Variants in GRB2 observed in about 807,000 individuals in gnomAD.
GRB2 encodes the protein growth factor receptor bound protein 2.
Under a neutral mutation model 27.4 loss-of-function variants are expected in GRB2, and 2 were observed. The ratio of observed to expected loss-of-function variants is 0.07; its 90% CI spans 0.03 to 0.23. GRB2 has a LOEUF of 0.23. Ranked by LOEUF, GRB2 falls within the 10% of genes least tolerant of loss-of-function variation. The probability of loss-of-function intolerance (pLI) is 1.00; values close to 1 mark genes in which losing one functional copy is unlikely to be tolerated. For missense variants in GRB2, 102 were observed against 282.4 expected, an observed-to-expected ratio of 0.36 and a Z score of 4.58; for synonymous variants, 94 against 99.6, an observed-to-expected ratio of 0.94 and a Z score of 0.33.
chr17:75,337,434 A>T (rs2078584910), intron 2 of GRB2, among the ~76,000 whole-genome samples: 1 of 152,018 alleles, frequency 6.6e-6, no homozygotes, highest in Non-Finnish European at 1.5e-5. Flanking sequence ...AACACAAATG[A>T]ATGTTGAAGA....
At chr17:75,354,646 GC>G (rs1366785296) in intron 2 of GRB2, among the ~76,000 whole-genome samples, 2 of 152,168 alleles carry the variant, frequency 1.3e-5, no homozygotes, top group East Asian at 3.8e-4. Context: ...GTCCCTGGTA[GC>G]AAAAAGGTTG....
intron 2 of GRB2, among the ~76,000 whole-genome samples, chr17:75,386,095 A>C (rs891842194): frequency 3.3e-5 from 5 of 151,726 alleles, no homozygotes; most frequent in Non-Finnish European, 5.9e-5. Context: ...TCTTTAAAAA[A>C]CTTGTTTATG....
At chr17:75,352,059 A>G (rs2078695937) in intron 2 of GRB2, among the ~76,000 whole-genome samples, 1 of 152,224 alleles carries the variant, frequency 6.6e-6, no homozygotes, top group Non-Finnish European at 1.5e-5. Flanking sequence ...AAATATAACT[A>G]TTGTTAACAG....
At chr17:75,331,072 A>G (rs2078538130) in intron 3 of GRB2, among the ~76,000 whole-genome samples, 1 of 152,212 alleles carries the variant, frequency 6.6e-6, no homozygotes, top group South Asian at 2.1e-4. Context: ...AAGGCCTGGT[A>G]CTGACCCTGA....
At chr17:75,346,203 T>C (rs549237856) in intron 2 of GRB2, among the ~76,000 whole-genome samples, 2 of 144,242 alleles carry the variant, frequency 1.4e-5, no homozygotes, top group Non-Finnish European at 3.0e-5. Context: ...TTAGAAAAAC[T>C]GCTATATTGG....
chr17:75,390,949 C>T (rs2078994443), intron 2 of GRB2, among the ~76,000 whole-genome samples: 1 of 152,190 alleles, frequency 6.6e-6, no homozygotes, highest in Non-Finnish European at 1.5e-5. Flanking sequence ...CATGTTTTGG[C>T]TTACAACTAA....
intron 4 of GRB2, among the ~76,000 whole-genome samples, chr17:75,322,199 C>T (rs1471456579): frequency 6.6e-6 from 1 of 152,066 alleles, no homozygotes; most frequent in African/African-American, 2.4e-5. Context: ...ATGGAGAAAT[C>T]CCATCTCTAC....
At chr17:75,351,942 TA>T (rs1401508978) in intron 2 of GRB2, among the ~76,000 whole-genome samples, 17 of 152,226 alleles carry the variant, frequency 1.1e-4, no homozygotes, top group African/African-American at 3.4e-4. Flanking sequence ...AGAGTGACAT[TA>T]GGGGGCTTAC....
chr17:75,351,619 C>A (rs536395101), intron 2 of GRB2, among the ~76,000 whole-genome samples: 13 of 152,074 alleles, frequency 8.5e-5, no homozygotes, highest in African/African-American at 2.9e-4. Flanking sequence ...TGCCACTGCA[C>A]CCCAATCTGG....
chr17:75,339,623 CTTT>C (rs71159491), intron 2 of GRB2, among the ~76,000 whole-genome samples: 25 of 129,990 alleles, frequency 1.9e-4, no homozygotes, highest in Non-Finnish European at 2.0e-4. Context: ...TTCTTTCTTT[CTTT>C]TTTTTTTTTT....
chr17:75,401,584 T>C (rs1197276251), intron 1 of GRB2, among the ~76,000 whole-genome samples: 3 of 152,234 alleles, frequency 2.0e-5, no homozygotes, highest in Non-Finnish European at 2.9e-5. Flanking sequence ...GTTACTTTTG[T>C]AGTTACAACA....
chr17:75,353,614 G>T (rs1383681385), intron 2 of GRB2, among the ~76,000 whole-genome samples: 1 of 151,680 alleles, frequency 6.6e-6, no homozygotes, highest in Non-Finnish European at 1.5e-5. Context: ...ACAAAAATTC[G>T]CCAGGTGTGG....
chr17:75,378,383 A>AAAAC (rs10669345), intron 2 of GRB2, among the ~76,000 whole-genome samples: 32,372 of 151,482 alleles, frequency 0.21, 4,951 homozygotes, highest in African/African-American at 0.44. Context: ...ACTGTCTCAA[A>AAAAC]AAACAAACAA....
chr17:75,374,330 G>A (rs1285618053), intron 2 of GRB2, among the ~76,000 whole-genome samples: 3 of 150,724 alleles, frequency 2.0e-5, no homozygotes, highest in Non-Finnish European at 4.4e-5. Flanking sequence ...CTGGAACCCG[G>A]GAGGCGGAGG....
At chr17:75,366,573 C>T (rs1000432569) in intron 2 of GRB2, among the ~76,000 whole-genome samples, 2 of 149,980 alleles carry the variant, frequency 1.3e-5, no homozygotes, top group African/African-American at 2.4e-5. Context: ...CTGAGGCGGG[C>T]GGATCACTTG....
chr17:75,383,125 C>T (rs2078940321), intron 2 of GRB2, among the ~76,000 whole-genome samples: 1 of 151,468 alleles, frequency 6.6e-6, no homozygotes, highest in South Asian at 2.1e-4. Context: ...ATACTGAAAT[C>T]GACCTTAATA....
Position 75,323,806 on chromosome 17 carries a change from C to CTT in GRB2, c.300-1981_300-1980dup, listed in dbSNP as rs398031609. Among the ~76,000 whole-genome samples, 54 of 144,742 alleles carry CTT rather than the reference C, an allele frequency of 3.7e-4. No individual in the cohort carries two copies. The Middle Eastern group carries it at 0.011, about 30-fold the overall frequency. The allele number at this position is 144,742 out of a possible 152,430, so 95.0% of individuals were successfully genotyped here. A position where few individuals can be genotyped will look rare whatever the true frequency, so the allele number is the denominator to read the frequency against. On this transcript the variant is annotated intron_variant, in intron 4 of 5. Coordinates refer to ENST00000316804, the MANE Select transcript of GRB2 (RefSeq NM_002086.5). ...CAGGTGTCACACATGTTTTTCTTTT[C>CTT]TTTTTTTTTTTTTTTTAAAGATGGA...
In GRB2 at chr17:75,385,029, CAAAAAAAAAA is replaced by C. The variant is rs58860615; in HGVS notation, c.78+8512_78+8521del. Among the ~76,000 whole-genome samples, 49 of 55,318 alleles carry C rather than the reference CAAAAAAAAAA, an allele frequency of 8.9e-4. 1 individual carries two copies. The highest frequency in any genetic ancestry group is 1.9e-3 in the South Asian group (3 of 1,576). 36.3% of individuals were successfully genotyped at this position (55,318 alleles called of 152,430 possible). ...CAACAGTGAGACCTCCTGGCTCTAC[CAAAAAAAAAA>C]AAAAAAAAAAAAAAAAAAAGCAAAC... On this transcript the variant is annotated intron_variant, in intron 2 of 5. Transcript: ENST00000316804.
chr17:75,326,169 C>T, intron 3 of GRB2, 149 bp from the exon 4 acceptor site: 2 of 849,374 alleles, frequency 2.4e-6, no homozygotes, highest in Non-Finnish European at 1.9e-6. Flanking sequence ...AAGATCGACA[C>T]TGGGTTGGGT....
Sources: gnomAD v4.1 joint callset for allele counts (sites outside exome capture counted in the v4.1 genomes callset) on GRCh38, gnomAD v4.1.1 for gene constraint, MANE v1.5 for transcripts, NCBI Gene and HGNC (gene_info 2026-07-23, HGNC 2026-07-21) for gene names.